Variants in TPR observed in about 807,000 individuals in gnomAD.
TPR encodes translocated promoter region, nuclear basket protein, also known as nucleoprotein TPR.
A neutral mutation model predicts 316.1 loss-of-function variants in TPR; 51 were observed. The ratio of observed to expected loss-of-function variants is 0.16; its 90% CI spans 0.13 to 0.20. The LOEUF is 0.20. Ranked by LOEUF, TPR falls within the 10% of genes least tolerant of loss-of-function variation. The pLI is 1.00. For synonymous variants in TPR, 981 were observed against 914.7 expected, an observed-to-expected ratio of 1.07 and a Z score of -1.31; for missense variants, 2,272 against 2,754.8, an observed-to-expected ratio of 0.82 and a Z score of 3.92.
chr1:186,371,421 A>C (rs1419694474), intron 2 of TPR, among the ~76,000 whole-genome samples: 3 of 152,204 alleles, frequency 2.0e-5, no homozygotes, highest in Non-Finnish European at 4.4e-5. Context: ...AGAGAGAAAA[A>C]GCATTTAAAC....
intron 37 of TPR, 119 bp downstream of exon 37, chr1:186,333,003 C>G: frequency 3.4e-6 from 4 of 1,187,746 alleles, no homozygotes; most frequent in Non-Finnish European, 4.6e-6. Context: ...ATTATAATTG[C>G]GTAGGTCTAT....
intron 24 of TPR, among the ~76,000 whole-genome samples, 185 bp downstream of exon 24, chr1:186,345,395 T>C (rs2102077238): frequency 6.6e-6 from 1 of 152,330 alleles, no homozygotes; most frequent in Middle Eastern, 3.4e-3. Flanking sequence ...TGTTAATGAA[T>C]ATTGCCCTAT....
In TPR at chr1:186,312,637, T is replaced by C. The variant is rs1226502972; in HGVS notation, c.*1334A>G. ...AGTACTTCTTACCAAGAACATTATA[T>C]ACCAGTCTATAACCCTCAATAGTTC... On this transcript the variant is annotated 3_prime_UTR_variant, in exon 51 of 51. Coordinates refer to ENST00000367478, the MANE Select transcript of TPR (RefSeq NM_003292.3). The C allele has an allele frequency of 2.6e-5, 25 of 971,926 alleles. No homozygotes were observed. The highest frequency in any genetic ancestry group is 3.7e-5 in the Non-Finnish European group (23 of 622,508). The allele number at this position is 971,926 out of a possible 1,614,324, so 60.2% of individuals were successfully genotyped here. A position where few individuals can be genotyped will look rare whatever the true frequency, so the allele number is the denominator to read the frequency against.
chr1:186,339,463 T>C (rs1024051996), intron 30 of TPR, among the ~76,000 whole-genome samples, 179 bp downstream of exon 30: 1 of 152,164 alleles, frequency 6.6e-6, no homozygotes, highest in Non-Finnish European at 1.5e-5. Flanking sequence ...ATATTTTATA[T>C]ACAAAGGCAT....
At chr1:186,333,066 T>C in intron 37 of TPR, 56 bp downstream of exon 37, 2 of 1,577,056 alleles carry the variant, frequency 1.3e-6, no homozygotes, top group Non-Finnish European at 1.7e-6. Context: ...CAAGATACAC[T>C]CAAGATCTTA....
chr1:186,350,183 T>C (rs1223025289), intron 21 of TPR, 40 bp downstream of exon 21: 3 of 1,516,038 alleles, frequency 2.0e-6, no homozygotes, highest in Non-Finnish European at 2.7e-6. Context: ...AAGAAGTACT[T>C]GTTTATTTAC....
chr1:186,353,978 A>G, intron 17 of TPR, 128 bp from the exon 18 acceptor site: 1 of 718,624 alleles, frequency 1.4e-6, no homozygotes, highest in Admixed American at 3.1e-5. Context: ...ATCCTAATGT[A>G]ACATCATACA....
chr1:186,351,377 ACTT>A lies in TPR; in HGVS notation c.2560_2562del (p.Lys854del). ...TGCCTTTGTTCCACCTCATTTTCCAACTTCTTCTTTAGATGAGAGATCTCATGT... is the reference window on the plus strand; with the variant it reads ...TGCCTTTGTTCCACCTCATTTTCCAACTTCTTTAGATGAGAGATCTCATGT... On this transcript the variant is annotated inframe_deletion, in exon 20 of 51. Transcript: ENST00000367478. 2 of 1,612,330 alleles carry A rather than the reference ACTT, an allele frequency of 1.2e-6. No individual in the cohort carries two copies. Among genetic ancestry groups the A allele is most frequent in the Non-Finnish European group, 8.5e-7 (1 of 1,179,292 alleles).
chr1:186,344,291 G>A, intron 25 of TPR, 84 bp downstream of exon 25: 2 of 1,493,080 alleles, frequency 1.3e-6, no homozygotes, highest in Non-Finnish European at 1.8e-6. Flanking sequence ...ACAGAGCGAG[G>A]CTCCATCTCA....
intron 41 of TPR, 104 bp downstream of exon 41, chr1:186,326,000 A>C: frequency 3.2e-6 from 5 of 1,564,376 alleles, no homozygotes; most frequent in South Asian, 2.4e-5. Context: ...AAAACAACCA[A>C]AGGTTTTAGT....
At chr1:186,360,431 TCAAGGTAAGTGACATGTACTGTA>T in intron 10 of TPR, 67 bp from the exon 11 acceptor site, 1 of 1,529,472 alleles carries the variant, frequency 6.5e-7, no homozygotes, top group Non-Finnish European at 9.0e-7. Context: ...TAATAATTTT[TCAAGGTAAGTGACATGTACTGTA>T]CATTATATAG....
At position 186,311,683 on chromosome 1, in the gene TPR, G is replaced by T; in HGVS notation, c.*2288C>A. 1 of 1,363,500 alleles carries T rather than the reference G, an allele frequency of 7.3e-7. No individual in the cohort carries two copies. The highest frequency in any genetic ancestry group is 1.0e-6 in the Non-Finnish European group (1 of 961,774). The allele number at this position is 1,363,500 out of a possible 1,614,324, so 84.5% of individuals were successfully genotyped here. A position where few individuals can be genotyped will look rare whatever the true frequency, so the allele number is the denominator to read the frequency against. Reference sequence around the variant, plus strand: ...TTTATTATTGACTTTACTGTCAAAAGATATCTTTAATGGCTGAAATCAAAT... The same window carrying T: ...TTTATTATTGACTTTACTGTCAAAATATATCTTTAATGGCTGAAATCAAAT... On this transcript the variant is annotated 3_prime_UTR_variant, in exon 51 of 51. Transcript: ENST00000367478.
In TPR at chr1:186,312,828, A is replaced by C; in HGVS notation, c.*1143T>G. 6.2e-7 allele frequency: 1 copy of C among 1,611,504 alleles called. No homozygotes were observed. The highest frequency in any genetic ancestry group is 8.5e-7 in the Non-Finnish European group (1 of 1,177,614). ...GTGGAGAGGACTTCCAAATGTGGTTACCTCAGCTATATCACTGCCCAACAT... is the reference window on the plus strand; with the variant it reads ...GTGGAGAGGACTTCCAAATGTGGTTCCCTCAGCTATATCACTGCCCAACAT... On this transcript the variant is annotated 3_prime_UTR_variant, in exon 51 of 51. Transcript: ENST00000367478.
At chr1:186,350,441 G>T (rs1387406154) in intron 20 of TPR, 53 bp from the exon 21 acceptor site, 2 of 1,316,942 alleles carry the variant, frequency 1.5e-6, no homozygotes, top group Non-Finnish European at 2.0e-6. Context: ...GTAACTAAAG[G>T]TTCAAACTAT....
Position 186,343,354 on chromosome 1 carries a change from C to T in TPR, c.3722G>A (p.Ser1241Asn), listed in dbSNP as rs752561968. 2 of 1,613,814 alleles carry T rather than the reference C, an allele frequency of 1.2e-6. No individual in the cohort carries two copies. The highest frequency in any genetic ancestry group is 1.7e-5 in the Admixed American group (1 of 59,998). The change falls in exon 27 of 51, where the codon AGT becomes AAT. Residue 1241 changes from serine (S) to asparagine (N), a missense_variant. Ser to Asn is a conservative substitution (Grantham distance 46, BLOSUM62 1). Transcript: ENST00000367478. ...GACTTTCTCCCTTTCAGCATTTAGA[C>T]TATCTTGCAGTTCCTGCAGCTCTCT... The part of the protein sequence containing the change: ...LERELQELQD[S>N]LNAEREKVQV...
rs780049117 is a variant in TPR, at chr1:186,334,482, C to T, written c.5025G>A (p.Val1675=). 7.4e-6 allele frequency: 12 copies of T among 1,613,556 alleles called. 1 individual carries two copies. The East Asian group carries it at 2.2e-4, about 30-fold the overall frequency. Residue 1675 remains valine, a synonymous_variant, in exon 36 of 51, where the codon GTG becomes GTA. Transcript: ENST00000367478. ...PTANIKPTPV[V]STPSKVTAAA... is the part of the protein sequence containing the mutation. ...CAGCTGTCACTTTACTTGGAGTAGACACAACAGGAGTTGGCTTGATATTGG... is the reference window on the plus strand; with the variant it reads ...CAGCTGTCACTTTACTTGGAGTAGATACAACAGGAGTTGGCTTGATATTGG...
rs1030215365 is a variant in TPR, at chr1:186,336,399, A to C, written c.4705+97T>G. On this transcript the variant is annotated intron_variant, in intron 33 of 50. Transcript: ENST00000367478. ...ACACATACACACACAAACACCCTTC[A>C]TAAGTAGATACCTTTTATTTCTATT... 21 of 1,172,286 alleles carry C rather than the reference A, an allele frequency of 1.8e-5. No individual in the cohort carries two copies. The East Asian group carries it at 4.9e-4, about 28-fold the overall frequency. The allele number at this position is 1,172,286 out of a possible 1,614,324, so 72.6% of individuals were successfully genotyped here. A position where few individuals can be genotyped will look rare whatever the true frequency, so the allele number is the denominator to read the frequency against.
intron 26 of TPR, 142 bp downstream of exon 26, chr1:186,343,758 AAATGTT>A: frequency 2.3e-6 from 2 of 884,700 alleles, no homozygotes; most frequent in Non-Finnish European, 3.3e-6. Flanking sequence ...TAATATGTGT[AAATGTT>A]AAAAGTTATG....
intron 9 of TPR, 111 bp downstream of exon 9, chr1:186,361,511 T>A (rs10494586): frequency 1.0e-6 from 1 of 984,346 alleles, no homozygotes; most frequent in Non-Finnish European, 1.5e-6. Context: ...TACCTAATTC[T>A]GTCCCAAATA....
Sources: allele counts gnomAD v4.1 joint callset (sites outside exome capture counted in the v4.1 genomes callset), GRCh38; gene constraint gnomAD v4.1.1; transcripts MANE v1.5; gene names NCBI Gene and HGNC (gene_info 2026-07-23, HGNC 2026-07-21).